The following ARHGAP15 variants were observed in gnomAD, a reference collection of about 807,000 sequenced individuals.
The protein encoded by ARHGAP15 is rho GTPase-activating protein 15.
In ARHGAP15, 51 loss-of-function variants were observed where a neutral mutation model predicts 63.7. The observed-to-expected ratio is 0.80, with a 90% CI of 0.64 to 1.01. ARHGAP15 has a LOEUF of 1.01. Among genes scored for constraint, ARHGAP15 ranks in the 50% least tolerant of loss-of-function variants. ARHGAP15 has a pLI of 0.00. For missense variants in ARHGAP15, 560 were observed against 564.6 expected, an observed-to-expected ratio of 0.99 and a Z score of 0.08; for synonymous variants, 191 against 193.8, an observed-to-expected ratio of 0.99 and a Z score of 0.12.
intron 6 of ARHGAP15, among the ~76,000 whole-genome samples, chr2:143,353,934 G>A (rs1263118356): frequency 6.6e-6 from 1 of 151,878 alleles, no homozygotes; most frequent in Non-Finnish European, 1.5e-5. Context: ...TCATGATGGA[G>A]CAAGATTTTA....
At chr2:143,197,173 G>C (rs1480673093) in intron 2 of ARHGAP15, among the ~76,000 whole-genome samples, 1 of 151,800 alleles carries the variant, frequency 6.6e-6, no homozygotes, top group Non-Finnish European at 1.5e-5. Flanking sequence ...CTGCAATACT[G>C]GTAGTAGAGA....
At chr2:143,217,177 A>C (rs1309726563) in intron 4 of ARHGAP15, among the ~76,000 whole-genome samples, 1 of 152,180 alleles carries the variant, frequency 6.6e-6, no homozygotes, top group African/African-American at 2.4e-5. Flanking sequence ...TAACAATTAA[A>C]ATTAATAGGA....
chr2:143,249,676 T>C (rs1680047525), intron 5 of ARHGAP15, among the ~76,000 whole-genome samples: 1 of 152,104 alleles, frequency 6.6e-6, no homozygotes, highest in African/African-American at 2.4e-5. Flanking sequence ...GGTATGCCAA[T>C]GTAAAGTTGT....
intron 2 of ARHGAP15, among the ~76,000 whole-genome samples, chr2:143,201,456 G>A (rs1397463327): frequency 6.6e-6 from 1 of 151,984 alleles, no homozygotes; most frequent in African/African-American, 2.4e-5. Flanking sequence ...AATCAAATCA[G>A]GGTAATTGGG....
chr2:143,540,175 C>T lies in ARHGAP15; in HGVS notation c.926-16233C>T, dbSNP rs578203934. ...CTTTTGATCTTTGTTGGTTTAAAGTCTGTTTTGTCAGAGACTAGGATTGCA... is the reference window on the plus strand; with the variant it reads ...CTTTTGATCTTTGTTGGTTTAAAGTTTGTTTTGTCAGAGACTAGGATTGCA... On this transcript the variant is annotated intron_variant, in intron 10 of 13. Coordinates refer to ENST00000295095, the MANE Select transcript of ARHGAP15 (RefSeq NM_018460.4). Among the ~76,000 whole-genome samples the T allele has an allele frequency of 1.3e-3, 196 of 152,192 alleles. 1 individual carries two copies. Among genetic ancestry groups the T allele is most frequent in the African/African-American group, 4.5e-3 (185 of 41,516 alleles).
At chr2:143,398,161 G>A (rs1160430105) in intron 6 of ARHGAP15, among the ~76,000 whole-genome samples, 4 of 152,124 alleles carry the variant, frequency 2.6e-5, no homozygotes, top group African/African-American at 7.2e-5. Context: ...TAGACTCCAA[G>A]GTGGACTCAA....
rs1439139728 is a variant in ARHGAP15, at chr2:143,562,737, T to A, written c.1003+6252T>A. 2.6e-5 allele frequency among the ~76,000 whole-genome samples: 4 copies of A among 152,188 alleles called. No homozygotes were observed. The East Asian group carries it at 7.7e-4, about 29-fold the overall frequency. The stretch of plus-strand genomic sequence containing the variant: ...TTTCAGCTACATTGAGTCAGGGAGC[T>A]CAAAGACTATTGATGAAGCATGTAT... On this transcript the variant is annotated intron_variant, in intron 11 of 13. Transcript: ENST00000295095.
At chr2:143,375,276 C>T (rs185836215) in intron 6 of ARHGAP15, among the ~76,000 whole-genome samples, 18 of 152,276 alleles carry the variant, frequency 1.2e-4, no homozygotes, top group African/African-American at 3.4e-4. Flanking sequence ...CTACTATAAT[C>T]AATAGAAATG....
At chr2:143,667,507 A>G (rs1055028342) in intron 12 of ARHGAP15, among the ~76,000 whole-genome samples, 11 of 150,734 alleles carry the variant, frequency 7.3e-5, no homozygotes, top group Non-Finnish European at 1.6e-4. Flanking sequence ...CCAGCATGGC[A>G]CATGTATACA....
chr2:143,512,198 G>T (rs1693620286), intron 9 of ARHGAP15, among the ~76,000 whole-genome samples: 1 of 152,168 alleles, frequency 6.6e-6, no homozygotes, highest in Non-Finnish European at 1.5e-5. Flanking sequence ...GCGTCTAGAA[G>T]ATCAGACTCA....
intron 9 of ARHGAP15, among the ~76,000 whole-genome samples, chr2:143,501,512 A>T (rs1030787493): frequency 2.6e-5 from 4 of 152,240 alleles, no homozygotes; most frequent in Admixed American, 2.6e-4. Context: ...GATATCATAA[A>T]CATTTTAGAA....
intron 12 of ARHGAP15, among the ~76,000 whole-genome samples, chr2:143,690,561 G>A (rs1056278054): frequency 6.6e-6 from 1 of 152,182 alleles, no homozygotes; most frequent in African/African-American, 2.4e-5. Flanking sequence ...CTTCTAAGAA[G>A]ATGCTTAGAG....
At chr2:143,676,157 T>A (rs1318344489) in intron 12 of ARHGAP15, 1 of 156,900 alleles carries the variant, frequency 6.4e-6, no homozygotes, top group African/African-American at 2.4e-5. Context: ...CTCACCTCTC[T>A]CAGCATTCAT....
chr2:143,295,652 C>T (rs548367750), intron 6 of ARHGAP15: 9 of 152,000 alleles, frequency 5.9e-5, no homozygotes, highest in Non-Finnish European at 7.4e-5. Flanking sequence ...AACAAAGTTT[C>T]GGGTAGATAA....
intron 4 of ARHGAP15, among the ~76,000 whole-genome samples, chr2:143,227,730 A>G: frequency 6.6e-6 from 1 of 152,168 alleles, no homozygotes; most frequent in East Asian, 1.9e-4. Context: ...ATTATATGCA[A>G]TTTATTTAAC....
At position 143,361,417 on chromosome 2, in the gene ARHGAP15, C is replaced by T. The variant is rs186970730; in HGVS notation, c.475-74184C>T. On this transcript the variant is annotated intron_variant, in intron 6 of 13. Transcript: ENST00000295095. ...TCTGTATTTCCGTAAAAGGGAAGAGCACTCTTATGGAAAAGGACGTATTAA... is the reference window on the plus strand; with the variant it reads ...TCTGTATTTCCGTAAAAGGGAAGAGTACTCTTATGGAAAAGGACGTATTAA... 6.5e-4 allele frequency among the ~76,000 whole-genome samples: 99 copies of T among 152,210 alleles called. No homozygotes were observed. In the East Asian group the frequency reaches 0.017, roughly 26 times the overall value.
chr2:143,387,495 G>A (rs990300593), intron 6 of ARHGAP15, among the ~76,000 whole-genome samples: 1 of 152,040 alleles, frequency 6.6e-6, no homozygotes, highest in African/African-American at 2.4e-5. Flanking sequence ...TGTGAGCCAG[G>A]CCCTGTTGTA....
intron 6 of ARHGAP15, among the ~76,000 whole-genome samples, chr2:143,387,916 C>CAG (rs1391096020): frequency 2.0e-5 from 3 of 151,356 alleles, no homozygotes; most frequent in Non-Finnish European, 4.4e-5. Flanking sequence ...CCTGCACACA[C>CAG]ACACACACAC....
intron 6 of ARHGAP15, among the ~76,000 whole-genome samples, chr2:143,371,843 T>TG (rs1686571960): frequency 6.6e-6 from 1 of 152,154 alleles, no homozygotes; most frequent in African/African-American, 2.4e-5. Flanking sequence ...TTATCATGAA[T>TG]GTACTGAGAA....
Sources: allele counts gnomAD v4.1 joint callset (sites outside exome capture counted in the v4.1 genomes callset), GRCh38; gene constraint gnomAD v4.1.1; transcripts MANE v1.5; gene names NCBI Gene and HGNC (gene_info 2026-07-23, HGNC 2026-07-21).